The following CTNNA3 variants were observed in gnomAD, a reference collection of about 807,000 sequenced individuals.
The protein encoded by CTNNA3 is catenin alpha 3, also known as catenin alpha-3.
Under a neutral mutation model 95.7 loss-of-function variants are expected in CTNNA3, and 76 were observed. The ratio of observed to expected loss-of-function variants is 0.79; its 90% CI spans 0.66 to 0.96. The LOEUF is 0.96. CTNNA3 is among the 40% of genes least tolerant of loss of function. The probability of loss-of-function intolerance (pLI) is 0.00; values close to 1 mark genes in which losing one functional copy is unlikely to be tolerated. For synonymous variants in CTNNA3, 431 were observed against 374.4 expected (o/e 1.15, Z -1.74); for missense variants, 1,191 against 1,089.8 (o/e 1.09, Z -1.31).
intron 15 of CTNNA3, among the ~76,000 whole-genome samples, chr10:66,060,409 A>C (rs2133568084): frequency 6.6e-6 from 1 of 152,236 alleles, no homozygotes; most frequent in Non-Finnish European, 1.5e-5. Context: ...GCTCCTTTTC[A>C]AGTCTCACTA....
At chr10:67,037,805 T>G (rs1016888987) in intron 7 of CTNNA3, among the ~76,000 whole-genome samples, 9 of 152,158 alleles carry the variant, frequency 5.9e-5, no homozygotes, top group African/African-American at 2.2e-4. Flanking sequence ...TTACAGTCAG[T>G]GAGTTCAGCT....
intron 13 of CTNNA3, among the ~76,000 whole-genome samples, chr10:66,216,327 C>T (rs759649405): frequency 6.6e-6 from 1 of 152,210 alleles, no homozygotes; most frequent in Admixed American, 6.5e-5. Context: ...GTATATAAGA[C>T]CTGGATCTGG....
chr10:66,598,710 T>C (rs1460722845), intron 10 of CTNNA3, among the ~76,000 whole-genome samples: 1 of 151,930 alleles, frequency 6.6e-6, no homozygotes, highest in Non-Finnish European at 1.5e-5. Flanking sequence ...AAGACCTGGA[T>C]ACTAAAAACT....
intron 5 of CTNNA3, among the ~76,000 whole-genome samples, chr10:67,437,621 T>C (rs1231434393): frequency 6.6e-6 from 1 of 152,046 alleles, no homozygotes; most frequent in Admixed American, 6.6e-5. Flanking sequence ...TAATATAAAT[T>C]AGTAAAAATT....
chr10:66,618,919 C>T lies in CTNNA3; in HGVS notation c.1374+2773G>A, dbSNP rs1020300605. ...GGCGAAGGATATGAACAGACACTTC[C>T]CAAAAGAAGACATTTATGCAGCCAA... On this transcript the variant is annotated intron_variant, in intron 10 of 17. Transcript: ENST00000433211. Among the ~76,000 whole-genome samples the T allele has an allele frequency of 6.5e-3, 981 of 151,728 alleles. 11 individuals carry two copies. The highest frequency in any genetic ancestry group is 0.022 in the African/African-American group (923 of 41,360).
intron 13 of CTNNA3, among the ~76,000 whole-genome samples, chr10:66,210,408 A>G (rs1250317075): frequency 6.6e-6 from 1 of 151,874 alleles, no homozygotes; most frequent in Non-Finnish European, 1.5e-5. Flanking sequence ...ATTGAGAAAT[A>G]AGGGAGTACT....
intron 9 of CTNNA3, among the ~76,000 whole-genome samples, chr10:66,646,399 A>C (rs1845708525): frequency 1.3e-5 from 2 of 152,160 alleles, no homozygotes; most frequent in Admixed American, 1.3e-4. Flanking sequence ...GGAGCAAAAC[A>C]ATAACTCAGT....
At chr10:66,407,371 G>T (rs538614055) in intron 11 of CTNNA3, among the ~76,000 whole-genome samples, 7 of 151,720 alleles carry the variant, frequency 4.6e-5, no homozygotes, top group Non-Finnish European at 1.0e-4. Context: ...CAAGTGGATG[G>T]GCCTGTTTCT....
chr10:66,541,850 T>G (rs965500963), intron 10 of CTNNA3, among the ~76,000 whole-genome samples: 1 of 152,134 alleles, frequency 6.6e-6, no homozygotes, highest in Admixed American at 6.6e-5. Context: ...AACTTCCATA[T>G]GTCTGTAAAG....
intron 5 of CTNNA3, among the ~76,000 whole-genome samples, chr10:67,246,093 A>C (rs529944259): frequency 1.3e-5 from 2 of 152,348 alleles, no homozygotes; most frequent in East Asian, 3.9e-4. Flanking sequence ...TGCTGTTGAA[A>C]GGTCAACTGC....
chr10:66,411,940 GATTCTACCA>G (rs1369872618), intron 11 of CTNNA3, among the ~76,000 whole-genome samples: 41 of 152,214 alleles, frequency 2.7e-4, no homozygotes, highest in Admixed American at 2.5e-3. Context: ...AGCCTGTAAG[GATTCTACCA>G]AATTGGGGCA....
intron 7 of CTNNA3, among the ~76,000 whole-genome samples, chr10:66,866,118 T>C (rs979556439): frequency 1.3e-5 from 2 of 152,258 alleles, no homozygotes; most frequent in African/African-American, 4.8e-5. Flanking sequence ...TCCTGGGAAT[T>C]TGACTGACTT....
chr10:66,174,079 T>C (rs529954586), intron 13 of CTNNA3, among the ~76,000 whole-genome samples: 2 of 152,276 alleles, frequency 1.3e-5, no homozygotes, highest in Admixed American at 1.3e-4. Flanking sequence ...TACAGTCCTG[T>C]GACATATTGC....
chr10:67,140,016 A>AT (rs1179260560), intron 7 of CTNNA3, among the ~76,000 whole-genome samples: 3 of 152,142 alleles, frequency 2.0e-5, no homozygotes, highest in Non-Finnish European at 4.4e-5. Flanking sequence ...TCTTCAAGCA[A>AT]TTTTTTAGAA....
intron 9 of CTNNA3, among the ~76,000 whole-genome samples, chr10:66,684,936 G>A (rs1847195173): frequency 6.6e-6 from 1 of 151,206 alleles, no homozygotes; most frequent in Non-Finnish European, 1.5e-5. Context: ...GTCTTTGTTG[G>A]CATTTATTTT....
chr10:66,971,496 A>G (rs552058638), intron 7 of CTNNA3, among the ~76,000 whole-genome samples: 16 of 152,214 alleles, frequency 1.1e-4, no homozygotes, highest in African/African-American at 2.6e-4. Context: ...TTAAATCCCA[A>G]TTGTACTCTT....
chr10:67,728,099 A>G (rs1180828878), intron 1 of CTNNA3, among the ~76,000 whole-genome samples: 1 of 141,876 alleles, frequency 7.0e-6, no homozygotes, highest in African/African-American at 2.7e-5. Flanking sequence ...TATGTAATAT[A>G]CATACATATA....
intron 2 of CTNNA3, among the ~76,000 whole-genome samples, chr10:67,621,312 G>A (rs1305355687): frequency 6.6e-6 from 1 of 152,052 alleles, no homozygotes; most frequent in East Asian, 1.9e-4. Flanking sequence ...CTTCCTCCAA[G>A]TAAGCCTTCT....
chr10:67,268,308 ATAAAT>A (rs200272425), intron 5 of CTNNA3, among the ~76,000 whole-genome samples: 4,721 of 126,904 alleles, frequency 0.037, 120 homozygotes, highest in South Asian at 0.12. Context: ...CTCTACAAAA[ATAAAT>A]TAAATTAAAT....
Sources: gnomAD v4.1 joint callset for allele counts (sites outside exome capture counted in the v4.1 genomes callset) on GRCh38, gnomAD v4.1.1 for gene constraint, MANE v1.5 for transcripts, NCBI Gene and HGNC (gene_info 2026-07-23, HGNC 2026-07-21) for gene names.